CTNNA2: variants seen among roughly 807,000 people sequenced by gnomAD.
CTNNA2 encodes the protein catenin alpha-2.
In CTNNA2, 42 loss-of-function variants were observed where a neutral mutation model predicts 101.0. That is an observed-to-expected ratio of 0.42 (90% CI 0.32 to 0.54). The LOEUF is 0.54. Among genes scored for constraint, CTNNA2 ranks in the 20% least tolerant of loss-of-function variants. The pLI, the probability that CTNNA2 is intolerant of heterozygous loss-of-function variation, is 0.14. For synonymous variants in CTNNA2, 450 were observed against 456.4 expected, an observed-to-expected ratio of 0.99 and a Z score of 0.18; for missense variants, 871 against 1,223.1, an observed-to-expected ratio of 0.71 and a Z score of 4.29.
chr2:80,313,496 T>C, intron 7 of CTNNA2: 1 of 1,571,674 alleles, frequency 6.4e-7, no homozygotes, highest in Non-Finnish European at 8.6e-7. Flanking sequence ...ACAAGAGCTG[T>C]GGTTGAAGAG....
At chr2:79,425,835 A>G (rs572099385) in intron 4 of CTNNA2, among the ~76,000 whole-genome samples, 7 of 152,312 alleles carry the variant, frequency 4.6e-5, no homozygotes, top group African/African-American at 1.7e-4. Context: ...TAAGAAAATA[A>G]AGAATAAAGA....
At chr2:79,995,903 C>G (rs1343780994) in intron 7 of CTNNA2, among the ~76,000 whole-genome samples, 1 of 152,154 alleles carries the variant, frequency 6.6e-6, no homozygotes, top group Non-Finnish European at 1.5e-5. Context: ...AAAAGTGATA[C>G]AACTATTGGG....
At chr2:80,268,450 T>C (rs2149134835) in intron 7 of CTNNA2, among the ~76,000 whole-genome samples, 1 of 152,350 alleles carries the variant, frequency 6.6e-6, no homozygotes, top group Non-Finnish European at 1.5e-5. Flanking sequence ...GACCATATTC[T>C]TTTTTAGTTT....
intron 1 of CTNNA2, among the ~76,000 whole-genome samples, chr2:79,597,733 C>A: frequency 6.6e-6 from 1 of 152,042 alleles, no homozygotes; most frequent in Non-Finnish European, 1.5e-5. Flanking sequence ...CCAGTGAGAC[C>A]CAGTACTATA....
chr2:79,390,190 G>A (rs1203313444), intron 4 of CTNNA2, among the ~76,000 whole-genome samples: 1 of 152,018 alleles, frequency 6.6e-6, no homozygotes, highest in Admixed American at 6.6e-5. Flanking sequence ...ATCTCTTTTG[G>A]CAGCACTTTG....
intron 7 of CTNNA2, among the ~76,000 whole-genome samples, chr2:79,943,082 T>A (rs1688269709): frequency 2.0e-5 from 3 of 152,126 alleles, no homozygotes; most frequent in Admixed American, 2.0e-4. Context: ...CTGGGCATTG[T>A]GGCACGTGCC....
chr2:80,199,777 A>G (rs1447396082), intron 7 of CTNNA2, among the ~76,000 whole-genome samples: 1 of 152,210 alleles, frequency 6.6e-6, no homozygotes, highest in East Asian at 1.9e-4. Context: ...GGGAGATTAA[A>G]TGTACTTAAA....
intron 3 of CTNNA2, among the ~76,000 whole-genome samples, chr2:79,837,791 ATTTAGCCTATGGGAAAATAATACT>A (rs1181307518): frequency 6.6e-6 from 1 of 152,130 alleles, no homozygotes; most frequent in Non-Finnish European, 1.5e-5. Flanking sequence ...GTTTTTCAAC[ATTTAGCCTATGGGAAAATAATACT>A]TTTAGCCTAT....
At chr2:79,459,729 C>A (rs1330167262) in intron 4 of CTNNA2, among the ~76,000 whole-genome samples, 1 of 152,152 alleles carries the variant, frequency 6.6e-6, no homozygotes, top group South Asian at 2.1e-4. Flanking sequence ...TGTTTAATAT[C>A]TTTAGCATTG....
At chr2:79,921,535 TCTAA>T (rs1257419304) in intron 7 of CTNNA2, among the ~76,000 whole-genome samples, 1 of 152,170 alleles carries the variant, frequency 6.6e-6, no homozygotes, top group Non-Finnish European at 1.5e-5. Flanking sequence ...TTTCAAAACT[TCTAA>T]CTTTCACCTC....
At chr2:79,527,733 G>A (rs1474566241) in intron 1 of CTNNA2, among the ~76,000 whole-genome samples, 4 of 152,054 alleles carry the variant, frequency 2.6e-5, no homozygotes, top group Non-Finnish European at 5.9e-5. Flanking sequence ...AAATGATGCC[G>A]CTAATTTGGA....
intron 7 of CTNNA2, among the ~76,000 whole-genome samples, chr2:80,031,004 A>G (rs1401385647): frequency 6.6e-6 from 1 of 152,240 alleles, no homozygotes; most frequent in Non-Finnish European, 1.5e-5. Context: ...ATTTCATGAT[A>G]GGATCATTAA....
chr2:80,078,028 G>C (rs1317015095), intron 7 of CTNNA2, among the ~76,000 whole-genome samples: 2 of 152,200 alleles, frequency 1.3e-5, no homozygotes, highest in East Asian at 3.8e-4. Context: ...GGTAGGGAAA[G>C]ATTCCACTTG....
intron 7 of CTNNA2, among the ~76,000 whole-genome samples, chr2:80,040,418 G>A (rs757001708): frequency 3.9e-5 from 6 of 152,150 alleles, no homozygotes; most frequent in Non-Finnish European, 7.3e-5. Context: ...GGGTCACACA[G>A]CATGTTTATG....
chr2:80,213,123 G>T (rs1183047855), intron 7 of CTNNA2, among the ~76,000 whole-genome samples: 3 of 151,634 alleles, frequency 2.0e-5, no homozygotes, highest in Non-Finnish European at 4.4e-5. Context: ...TATTTGTCTT[G>T]CTAGCGGCCC....
chr2:80,409,298 T>TA (rs546092256), intron 8 of CTNNA2, among the ~76,000 whole-genome samples: 107 of 143,540 alleles, frequency 7.5e-4, no homozygotes, highest in African/African-American at 1.5e-3. Flanking sequence ...CTTTAAGTAA[T>TA]AAAAAAAAAA....
intron 3 of CTNNA2, among the ~76,000 whole-genome samples, chr2:79,827,322 G>A (rs1182053044): frequency 1.3e-5 from 2 of 152,170 alleles, no homozygotes; most frequent in African/African-American, 4.8e-5. Flanking sequence ...ACAGGAGTGA[G>A]CCACTGTGCC....
At chr2:80,080,948 T>A (rs1041759120) in intron 7 of CTNNA2, among the ~76,000 whole-genome samples, 4 of 87,562 alleles carry the variant, frequency 4.6e-5, no homozygotes, top group African/African-American at 9.5e-5. Context: ...TTCTCCCACT[T>A]AAAAAAAAAA....
intron 4 of CTNNA2, among the ~76,000 whole-genome samples, chr2:79,494,357 G>A (rs1224814689): frequency 6.6e-6 from 1 of 150,792 alleles, no homozygotes; most frequent in Non-Finnish European, 1.5e-5. Flanking sequence ...AGCAAAATCA[G>A]TCTTGAAAAA....
Sources: gnomAD v4.1 joint callset for allele counts (sites outside exome capture counted in the v4.1 genomes callset) on GRCh38, gnomAD v4.1.1 for gene constraint, MANE v1.5 for transcripts, NCBI Gene and HGNC (gene_info 2026-07-23, HGNC 2026-07-21) for gene names.